The following FGF14 variants were observed in gnomAD, a reference collection of about 807,000 sequenced individuals.
FGF14 encodes fibroblast growth factor 14.
A neutral mutation model predicts 25.5 loss-of-function variants in FGF14; 5 were observed. The observed-to-expected ratio is 0.20, with a 90% CI of 0.10 to 0.41. FGF14 has a LOEUF of 0.41. Among genes scored for constraint, FGF14 ranks in the 10% least tolerant of loss-of-function variants. FGF14 has a pLI of 1.00. For missense variants in FGF14, 222 were observed against 320.1 expected (o/e 0.69, Z 2.34); for synonymous variants, 138 against 118.3 (o/e 1.17, Z -1.08).
At chr13:101,926,508 G>A (rs927552803) in intron 1 of FGF14, among the ~76,000 whole-genome samples, 6 of 152,138 alleles carry the variant, frequency 3.9e-5, no homozygotes, top group African/African-American at 1.4e-4. Context: ...AGAAAAAAAC[G>A]TACAGCAATT....
intron 1 of FGF14, among the ~76,000 whole-genome samples, chr13:102,366,839 T>C (rs1040633966): frequency 2.6e-5 from 4 of 152,150 alleles, no homozygotes; most frequent in African/African-American, 9.7e-5. Context: ...TAGCAGAGTA[T>C]ATCATTTTTT....
chr13:101,904,743 C>T (rs1241085105), intron 1 of FGF14, among the ~76,000 whole-genome samples: 1 of 152,052 alleles, frequency 6.6e-6, no homozygotes, highest in African/African-American at 2.4e-5. Flanking sequence ...GACTATACAA[C>T]CATGCAGAAA....
At chr13:102,017,838 G>T (rs531005697) in intron 1 of FGF14, among the ~76,000 whole-genome samples, 14 of 152,026 alleles carry the variant, frequency 9.2e-5, no homozygotes, top group Non-Finnish European at 1.9e-4. Flanking sequence ...TATTCTTAGA[G>T]AATTCTTCAA....
chr13:101,755,577 A>T (rs1201380441), intron 3 of FGF14, among the ~76,000 whole-genome samples: 2 of 152,224 alleles, frequency 1.3e-5, no homozygotes, highest in Non-Finnish European at 2.9e-5. Flanking sequence ...CAAGGAATTC[A>T]GAAAAATTGG....
At chr13:101,950,270 T>A (rs2036074247) in intron 1 of FGF14, among the ~76,000 whole-genome samples, 1 of 152,174 alleles carries the variant, frequency 6.6e-6, no homozygotes, top group African/African-American at 2.4e-5. Context: ...AAGCTACTAG[T>A]AGTTGGCTAC....
At chr13:101,913,280 AG>A (rs1188318560) in intron 1 of FGF14, among the ~76,000 whole-genome samples, 1 of 151,984 alleles carries the variant, frequency 6.6e-6, no homozygotes, top group East Asian at 1.9e-4. Flanking sequence ...AGGTCGGTGG[AG>A]GGTAGATGGA....
intron 1 of FGF14, among the ~76,000 whole-genome samples, chr13:102,074,958 A>G (rs530743055): frequency 6.6e-6 from 1 of 152,352 alleles, no homozygotes; most frequent in African/African-American, 2.4e-5. Context: ...GCAAGCTCAC[A>G]GCTAACATTA....
intron 1 of FGF14, among the ~76,000 whole-genome samples, chr13:102,196,030 G>A (rs932433351): frequency 6.6e-6 from 1 of 152,144 alleles, no homozygotes; most frequent in Admixed American, 6.5e-5. Context: ...TGTCTCTTTG[G>A]AGAGAGGAAG....
chr13:102,389,647 C>G (rs1409157164), intron 1 of FGF14, among the ~76,000 whole-genome samples: 1 of 152,180 alleles, frequency 6.6e-6, no homozygotes, highest in Non-Finnish European at 1.5e-5. Context: ...TAACACCTCC[C>G]TGCAGAGAAA....
At chr13:101,766,452 A>C (rs993756255) in intron 3 of FGF14, among the ~76,000 whole-genome samples, 10 of 152,204 alleles carry the variant, frequency 6.6e-5, no homozygotes, top group Non-Finnish European at 1.5e-4. Context: ...TTTATTTAGC[A>C]GACTCTTGCA....
intron 1 of FGF14, among the ~76,000 whole-genome samples, chr13:102,011,841 GC>G (rs2040098220): frequency 6.6e-6 from 1 of 152,140 alleles, no homozygotes; most frequent in Non-Finnish European, 1.5e-5. Context: ...TCACCCATCT[GC>G]CAAGGAAATA....
chr13:101,928,395 G>GGTGTGTGT lies in FGF14; in HGVS notation c.209-53107_209-53100dup, dbSNP rs149758126. 2.3e-3 allele frequency among the ~76,000 whole-genome samples: 337 copies of GGTGTGTGT among 148,026 alleles called. 2 individuals are homozygous for GGTGTGTGT. Among genetic ancestry groups the GGTGTGTGT allele is most frequent in the African/African-American group, 8.0e-3 (324 of 40,578 alleles). On this transcript the variant is annotated intron_variant, in intron 1 of 4. Coordinates refer to the FGF14 transcript ENST00000376131. ...ACTTAAAACATTCTAAACTTGCTGTGGTGTGTGTGTGTGTGTGTGTGTGTG... is the reference window on the plus strand; with the variant it reads ...ACTTAAAACATTCTAAACTTGCTGTGGTGTGTGTGTGTGTGTGTGTGTGTGTGTGTGTG...
Position 102,059,904 on chromosome 13 carries a change from AAAAC to A in FGF14, c.209-184612_209-184609del, listed in dbSNP as rs368546951. 4.7e-3 allele frequency among the ~76,000 whole-genome samples: 718 copies of A among 151,462 alleles called. 7 individuals are homozygous for A. The highest frequency in any genetic ancestry group is 0.017 in the Middle Eastern group (5 of 294). ...AAGAAAAGAAAGAAAGAAAAGAAACAAAACAAACAAACAAACAAAACAAAAGATT... is the reference window on the plus strand; with the variant it reads ...AAGAAAAGAAAGAAAGAAAAGAAACAAAACAAACAAACAAAACAAAAGATT... On this transcript the variant is annotated intron_variant, in intron 1 of 4. Coordinates refer to the FGF14 transcript ENST00000376131.
chr13:101,981,129 A>ACACACACT (rs58852039), intron 1 of FGF14, among the ~76,000 whole-genome samples: 1 of 147,128 alleles, frequency 6.8e-6, no homozygotes, highest in African/African-American at 2.5e-5. Flanking sequence ...ACACACACAC[A>ACACACACT]ATTAGCCAGG....
At chr13:101,933,455 G>A (rs1395075866) in intron 1 of FGF14, among the ~76,000 whole-genome samples, 2 of 152,186 alleles carry the variant, frequency 1.3e-5, no homozygotes, top group Non-Finnish European at 1.5e-5. Flanking sequence ...CGGGCATGGT[G>A]GTTCATGCCT....
chr13:102,097,790 GAAGCCAC>G (rs2044471388), intron 1 of FGF14, among the ~76,000 whole-genome samples: 1 of 152,158 alleles, frequency 6.6e-6, no homozygotes, highest in African/African-American at 2.4e-5. Flanking sequence ...AGGAGTGTTT[GAAGCCAC>G]TCTGTGTAAA....
At chr13:102,058,947 T>TA (rs55849646) in intron 1 of FGF14, among the ~76,000 whole-genome samples, 62,916 of 143,288 alleles carry the variant, frequency 0.44, 13,638 homozygotes, top group East Asian at 0.69. Flanking sequence ...CAGTCTTAAC[T>TA]AAAAAAAAAA....
chr13:101,902,207 C>T (rs1188450358), intron 1 of FGF14, among the ~76,000 whole-genome samples: 1 of 152,144 alleles, frequency 6.6e-6, no homozygotes, highest in East Asian at 1.9e-4. Flanking sequence ...GGTCCCCCAT[C>T]CCAAGAATTC....
chr13:101,932,976 G>A (rs1042958373), intron 1 of FGF14, among the ~76,000 whole-genome samples: 1 of 152,126 alleles, frequency 6.6e-6, no homozygotes, highest in Non-Finnish European at 1.5e-5. Context: ...GTGATGTCCT[G>A]AAGTCCTATT....
Sources: allele counts gnomAD v4.1 joint callset (sites outside exome capture counted in the v4.1 genomes callset), GRCh38; gene constraint gnomAD v4.1.1; transcripts MANE v1.5; gene names NCBI Gene and HGNC (gene_info 2026-07-23, HGNC 2026-07-21).